Variants in TBC1D5 observed in about 807,000 individuals in gnomAD.
TBC1D5 encodes the protein TBC1 domain family, member 5.
In TBC1D5, 75 loss-of-function variants were observed where a neutral mutation model predicts 100.3. The ratio of observed to expected loss-of-function variants is 0.75; its 90% CI spans 0.62 to 0.91. The LOEUF is 0.91. TBC1D5 is among the 40% of genes least tolerant of loss of function. The pLI is 0.00. For synonymous variants in TBC1D5, 323 were observed against 325.6 expected (o/e 0.99, Z 0.09); for missense variants, 910 against 942.4 (o/e 0.97, Z 0.45).
chr3:17,388,230 A>C (rs1006155827), intron 8 of TBC1D5, among the ~76,000 whole-genome samples: 4 of 152,160 alleles, frequency 2.6e-5, no homozygotes, highest in African/African-American at 9.6e-5. Context: ...CAAATTTTAC[A>C]TAGTACACAA....
chr3:17,439,647 A>C (rs2094603207), intron 3 of TBC1D5, among the ~76,000 whole-genome samples: 1 of 152,178 alleles, frequency 6.6e-6, no homozygotes, highest in South Asian at 2.1e-4. Flanking sequence ...CTATGACATT[A>C]AGGAATTACT....
intron 18 of TBC1D5, among the ~76,000 whole-genome samples, chr3:17,208,699 ACTT>A (rs2072560097): frequency 1.3e-5 from 2 of 152,166 alleles, no homozygotes; most frequent in South Asian, 4.1e-4. Flanking sequence ...TTTTTACTCA[ACTT>A]CTCAGTTTTA....
chr3:17,197,595 C>A (rs1227297334), intron 18 of TBC1D5, among the ~76,000 whole-genome samples: 1 of 152,144 alleles, frequency 6.6e-6, no homozygotes, highest in African/African-American at 2.4e-5. Flanking sequence ...TGGTCTTGAA[C>A]TCCTGGCCTC....
chr3:17,696,636 C>T (rs2153837357), intron 1 of TBC1D5, among the ~76,000 whole-genome samples: 1 of 152,204 alleles, frequency 6.6e-6, no homozygotes, highest in South Asian at 2.1e-4. Flanking sequence ...AAAAAAAGTC[C>T]AGGACCAGAC....
At chr3:17,502,869 AAGT>A (rs1182421937) in intron 3 of TBC1D5, among the ~76,000 whole-genome samples, 1 of 149,538 alleles carries the variant, frequency 6.7e-6, no homozygotes, top group Non-Finnish European at 1.5e-5. Context: ...ATATCCAGTC[AAGT>A]AGTAGATCAA....
rs79519626 is a variant in TBC1D5 at position 17,479,390 on chromosome 3, C to A, written c.97+29084G>T. Among the ~76,000 whole-genome samples the A allele has an allele frequency of 2.9e-3, 445 of 152,226 alleles. 9 individuals are homozygous for A. The East Asian group carries it at 0.029, about 10-fold the overall frequency. Reference sequence around the variant, plus strand: ...TGTGCACAAGCCTGGGTGAGAGACACCCCATCTCAGAAAAAATAAAGAAAG... The same window carrying A: ...TGTGCACAAGCCTGGGTGAGAGACAACCCATCTCAGAAAAAATAAAGAAAG... On this transcript the variant is annotated intron_variant, in intron 3 of 21. Transcript: ENST00000253692.
intron 2 of TBC1D5, among the ~76,000 whole-genome samples, chr3:17,567,054 T>C (rs1040466742): frequency 6.6e-6 from 1 of 151,806 alleles, no homozygotes; most frequent in Non-Finnish European, 1.5e-5. Flanking sequence ...TTTTTACCAA[T>C]AAATGACATT....
intron 8 of TBC1D5, among the ~76,000 whole-genome samples, chr3:17,401,191 T>C (rs908387462): frequency 2.0e-5 from 3 of 151,738 alleles, no homozygotes; most frequent in African/African-American, 4.8e-5. Flanking sequence ...CTAGTAGAGA[T>C]ACATTTTAAG....
chr3:17,683,624 A>G (rs974845237), intron 1 of TBC1D5, among the ~76,000 whole-genome samples: 1 of 152,214 alleles, frequency 6.6e-6, no homozygotes, highest in Non-Finnish European at 1.5e-5. Flanking sequence ...AGTACTATCT[A>G]TGTGTACAAA....
At chr3:17,682,188 T>C (rs1189103503) in intron 1 of TBC1D5, among the ~76,000 whole-genome samples, 1 of 151,392 alleles carries the variant, frequency 6.6e-6, no homozygotes, top group African/African-American at 2.5e-5. Context: ...GGCTCACTGC[T>C]GTAATCCCAG....
intron 3 of TBC1D5, among the ~76,000 whole-genome samples, chr3:17,500,451 C>T (rs970402097): frequency 4.0e-5 from 6 of 149,702 alleles, no homozygotes; most frequent in Non-Finnish European, 7.4e-5. Context: ...TATTTAATCA[C>T]TATCTTTTTA....
At chr3:17,538,242 G>T (rs913271148) in intron 2 of TBC1D5, among the ~76,000 whole-genome samples, 10 of 152,068 alleles carry the variant, frequency 6.6e-5, no homozygotes, top group African/African-American at 2.4e-4. Flanking sequence ...CACAGCCAGC[G>T]CCAGGAAAAG....
chr3:17,443,913 A>G (rs1004837861), intron 3 of TBC1D5, among the ~76,000 whole-genome samples: 4 of 152,212 alleles, frequency 2.6e-5, no homozygotes, highest in African/African-American at 4.8e-5. Context: ...CGGAGTGTCA[A>G]GGATCCATGG....
chr3:17,222,603 G>C (rs956526043), intron 17 of TBC1D5, among the ~76,000 whole-genome samples: 6 of 152,112 alleles, frequency 3.9e-5, no homozygotes, highest in Non-Finnish European at 7.4e-5. Context: ...TTACCAATGA[G>C]AAATCTGATG....
intron 2 of TBC1D5, among the ~76,000 whole-genome samples, chr3:17,528,314 A>C (rs900061200): frequency 5.9e-5 from 9 of 152,196 alleles, no homozygotes; most frequent in African/African-American, 2.2e-4. Flanking sequence ...ATGCTTATTA[A>C]AAGGGCTGGA....
intron 2 of TBC1D5, among the ~76,000 whole-genome samples, chr3:17,556,686 C>T (rs568062294): frequency 2.0e-5 from 3 of 152,222 alleles, no homozygotes; most frequent in African/African-American, 7.2e-5. Flanking sequence ...AAAAAGGTAA[C>T]TCATTTTCAA....
At chr3:17,724,902 A>C (rs1355426830) in intron 1 of TBC1D5, among the ~76,000 whole-genome samples, 2 of 151,880 alleles carry the variant, frequency 1.3e-5, no homozygotes, top group Non-Finnish European at 2.9e-5. Context: ...CTCTTTCTTT[A>C]GTTGTATCCA....
intron 2 of TBC1D5, among the ~76,000 whole-genome samples, chr3:17,554,471 C>T (rs566411718): frequency 6.6e-6 from 1 of 152,254 alleles, no homozygotes; most frequent in East Asian, 1.9e-4. Flanking sequence ...CTACTGTAGG[C>T]AGGAAGTTTT....
At chr3:17,553,019 T>C (rs1338519382) in intron 2 of TBC1D5, among the ~76,000 whole-genome samples, 3 of 152,164 alleles carry the variant, frequency 2.0e-5, no homozygotes, top group African/African-American at 7.2e-5. Context: ...ATACTGTTAT[T>C]ATACAAACTC....
Sources: gnomAD v4.1 joint callset for allele counts (sites outside exome capture counted in the v4.1 genomes callset) on GRCh38, gnomAD v4.1.1 for gene constraint, MANE v1.5 for transcripts, NCBI Gene and HGNC (gene_info 2026-07-23, HGNC 2026-07-21) for gene names.